CEP350: variants seen among roughly 807,000 people sequenced by gnomAD.
CEP350 encodes the protein centrosomal protein 350.
A neutral mutation model predicts 331.8 loss-of-function variants in CEP350; 126 were observed. That is an observed-to-expected ratio of 0.38 (90% CI 0.33 to 0.44). The LOEUF is 0.44. CEP350 is among the 20% of genes least tolerant of loss of function. The pLI is 1.00. For missense variants in CEP350, 3,406 were observed against 3,634.6 expected (o/e 0.94, Z 1.62); for synonymous variants, 1,200 against 1,259.5 (o/e 0.95, Z 1.00).
rs751580518 is a variant in CEP350 at position 180,094,373 on chromosome 1, C to G, written c.8268C>G (p.Asp2756Glu). 1 of 1,613,794 alleles carries G rather than the reference C, an allele frequency of 6.2e-7. No homozygotes were observed. Among genetic ancestry groups the G allele is most frequent in the Admixed American group, 1.7e-5 (1 of 59,982 alleles). Residue 2756 changes from aspartate to glutamate, a missense_variant, in exon 34 of 38, where the codon GAC (aspartate) becomes GAG (glutamate). Coordinates refer to ENST00000367607, the MANE Select transcript of CEP350 (RefSeq NM_014810.5). Reference sequence around the variant, plus strand: ...TGGAAAAAATCAGCTTACTGACAGACAGTTTACTAAAAGTCTTTGTAAAGG... The same window carrying G: ...TGGAAAAAATCAGCTTACTGACAGAGAGTTTACTAAAAGTCTTTGTAAAGG... ...QQLEKISLLT[D>E]SLLKVFVKDT...
At chr1:180,042,304 T>C (rs1001679504) in intron 19 of CEP350, among the ~76,000 whole-genome samples, 2 of 152,204 alleles carry the variant, frequency 1.3e-5, no homozygotes, top group African/African-American at 2.4e-5. Flanking sequence ...CAGAATGATA[T>C]TAGTTACTGT....
At chr1:180,062,126 T>C in intron 25 of CEP350, 94 bp from the exon 26 acceptor site, 1 of 1,154,710 alleles carries the variant, frequency 8.7e-7, no homozygotes. Flanking sequence ...TATATGTATT[T>C]ATTTTTAATA....
chr1:179,955,213 C>T lies in CEP350; in HGVS notation c.-14+71C>T, dbSNP rs12118928. The stretch of plus-strand genomic sequence containing the variant: ...CCTCAACTGTCTCTGTCCGCGGTCC[C>T]GGGTCCCCGGTGGCGGCAAGAGAGG... On this transcript the variant is annotated intron_variant, in intron 1 of 37. Coordinates refer to ENST00000367607, the MANE Select transcript of CEP350 (RefSeq NM_014810.5). 2.7e-3 allele frequency: 3,184 copies of T among 1,197,198 alleles called. 8 individuals carry two copies. Among genetic ancestry groups the T allele is most frequent in the Non-Finnish European group, 3.1e-3 (2,975 of 948,838 alleles). 74.2% of individuals were successfully genotyped at this position (1,197,198 alleles called of 1,614,324 possible).
intron 27 of CEP350, among the ~76,000 whole-genome samples, chr1:180,065,504 A>G (rs909646243): frequency 2.6e-5 from 4 of 152,230 alleles, no homozygotes; most frequent in African/African-American, 9.6e-5. Context: ...AAACAAGGCT[A>G]GGAGTGGTGG....
At position 180,101,462 on chromosome 1, in the gene CEP350, A is replaced by G. The variant is rs541869075; in HGVS notation, c.9189+2477A>G. Among the ~76,000 whole-genome samples, 14 of 152,328 alleles carry G rather than the reference A, an allele frequency of 9.2e-5. No homozygotes were observed. The South Asian group carries it at 2.9e-3, about 32-fold the overall frequency. On this transcript the variant is annotated intron_variant, in intron 37 of 37. Coordinates refer to ENST00000367607, the MANE Select transcript of CEP350 (RefSeq NM_014810.5). The stretch of plus-strand genomic sequence containing the variant: ...TTAAAACAATTTTTTAATAACACGT[A>G]AAAGTTTTCTCAAACCACTTCCTCT...
intron 27 of CEP350, among the ~76,000 whole-genome samples, chr1:180,071,126 G>C (rs1366774529): frequency 1.3e-4 from 16 of 125,486 alleles, no homozygotes; most frequent in African/African-American, 5.0e-4. Context: ...CTAGCCTGGC[G>C]ACAGAGCACG....
chr1:180,013,862 G>A lies in CEP350; in HGVS notation c.1409G>A (p.Arg470Lys). Residue 470 changes from arginine (R) to lysine (K), a missense_variant, in exon 10 of 38, where the codon AGA becomes AAA. Arg to Lys is a conservative substitution (Grantham distance 26, BLOSUM62 2). Transcript: ENST00000367607. ...RTAKSGGHIG[R>K]AESDPRLDVL... Reference sequence around the variant, plus strand: ...TACTTTGCAGGGGGTCACATTGGAAGAGCAGAATCTGATCCCAGGTTGGAC... The same window carrying A: ...TACTTTGCAGGGGGTCACATTGGAAAAGCAGAATCTGATCCCAGGTTGGAC... 2 of 1,609,478 alleles carry A rather than the reference G, an allele frequency of 1.2e-6. No individual in the cohort carries two copies. Among genetic ancestry groups the A allele is most frequent in the Non-Finnish European group, 1.7e-6 (2 of 1,178,016 alleles).
At chr1:179,998,686 C>T (rs1217001192) in intron 6 of CEP350, among the ~76,000 whole-genome samples, 1 of 152,034 alleles carries the variant, frequency 6.6e-6, no homozygotes, top group Non-Finnish European at 1.5e-5. Flanking sequence ...ATTTCTGTGT[C>T]AACTCTAATT....
intron 16 of CEP350, among the ~76,000 whole-genome samples, chr1:180,036,121 T>C (rs1425656854): frequency 6.6e-6 from 1 of 152,176 alleles, no homozygotes. Context: ...ACGGTGGAAA[T>C]AGCAAGAGAA....
chr1:180,094,639 G>A (rs773226199), intron 34 of CEP350, 23 bp downstream of exon 34: 1 of 1,599,148 alleles, frequency 6.3e-7, no homozygotes, highest in East Asian at 2.2e-5. Context: ...TCTAGAAAAA[G>A]TATCAGTATA....
At chr1:180,007,762 A>T (rs73032389) in intron 8 of CEP350, among the ~76,000 whole-genome samples, 2,547 of 151,868 alleles carry the variant, frequency 0.017, 73 homozygotes, top group African/African-American at 0.058. Context: ...TCTTTAATCC[A>T]TCTTGAAGTT....
chr1:180,093,087 A>G lies in CEP350; in HGVS notation c.6982A>G (p.Met2328Val), dbSNP rs755323270. 4 of 1,604,534 alleles carry G rather than the reference A, an allele frequency of 2.5e-6. No individual in the cohort carries two copies. The highest frequency in any genetic ancestry group is 1.1e-5 in the South Asian group (1 of 89,342). Residue 2328 changes from methionine (M) to valine (V), a missense_variant, in exon 34 of 38, where the codon ATG (methionine) becomes GTG (valine). Physicochemically the swap from Met to Val is conservative, Grantham distance 21 (BLOSUM62 1). Coordinates refer to ENST00000367607, the MANE Select transcript of CEP350 (RefSeq NM_014810.5). ...AIENLHKSEE[M>V]LKERQSDQDM... is the part of the protein sequence containing the mutation. ...TGAAAATCTCCATAAAAGTGAGGAA[A>G]TGTTGAAAGAGAGACAGTCAGATCA... is the stretch of plus-strand genomic sequence containing the variant.
intron 1 of CEP350, among the ~76,000 whole-genome samples, chr1:179,984,052 A>G (rs79841534): frequency 1.2e-3 from 182 of 152,330 alleles, no homozygotes; most frequent in African/African-American, 4.2e-3. Context: ...TTGACATTGT[A>G]TTTCAAGAGC....
chr1:180,084,266 G>C, intron 31 of CEP350, 88 bp downstream of exon 31: 1 of 1,222,494 alleles, frequency 8.2e-7, no homozygotes, highest in South Asian at 2.6e-5. Flanking sequence ...TAAAGTAATG[G>C]ATTAGGATTC....
chr1:180,021,286 A>G (rs1351398696), intron 12 of CEP350, among the ~76,000 whole-genome samples: 3 of 152,188 alleles, frequency 2.0e-5, no homozygotes, highest in African/African-American at 7.2e-5. Context: ...AGAAATTCAT[A>G]GATGATGTTC....
In CEP350 at chr1:180,065,201, T is replaced by C. The variant is rs894673122; in HGVS notation, c.5496T>C (p.Ile1832=). The change falls in exon 27 of 38, where the codon ATT becomes ATC. Residue 1832 remains isoleucine, a synonymous_variant. Coordinates refer to ENST00000367607, the MANE Select transcript of CEP350 (RefSeq NM_014810.5). ...TDLETRSPSP[I]SISSSETSSI... ...TGGAGACCCGCAGTCCTTCTCCCAT[T>C]TCAATCTCCAGCAGTGAAACTAGCA... The C allele has an allele frequency of 2.5e-6, 4 of 1,613,876 alleles. No homozygotes were observed. Among genetic ancestry groups the C allele is most frequent in the Non-Finnish European group, 2.5e-6 (3 of 1,179,830 alleles).
rs1474579686 is a variant in CEP350, at chr1:180,048,946, A to C, written c.4792+241A>C. Among the ~76,000 whole-genome samples the C allele has an allele frequency of 2.0e-5, 3 of 152,106 alleles. No homozygotes were observed. The East Asian group carries it at 5.8e-4, about 29-fold the overall frequency. ...TTAGCCAGGCTTGGTGGCACAGCCT[A>C]TGGTCCTAGTACGTGGGAGGCTAAG... On this transcript the variant is annotated intron_variant, in intron 22 of 37. Transcript: ENST00000367607.
chr1:180,080,126 C>G (rs1659473048), intron 29 of CEP350, among the ~76,000 whole-genome samples: 1 of 152,170 alleles, frequency 6.6e-6, no homozygotes, highest in African/African-American at 2.4e-5. Flanking sequence ...TTCTTACGCT[C>G]TGTTTTCTTC....
intron 13 of CEP350, among the ~76,000 whole-genome samples, chr1:180,023,768 C>G (rs1021517075): frequency 9.9e-5 from 15 of 152,162 alleles, no homozygotes; most frequent in African/African-American, 3.6e-4. Flanking sequence ...AGAGAATTTT[C>G]TCCCTATATT....
Sources: allele counts gnomAD v4.1 joint callset (sites outside exome capture counted in the v4.1 genomes callset), GRCh38; gene constraint gnomAD v4.1.1; transcripts MANE v1.5; gene names NCBI Gene and HGNC (gene_info 2026-07-23, HGNC 2026-07-21).